ERC2: variants seen among roughly 807,000 people sequenced by gnomAD.
The protein encoded by ERC2 is ERC protein 2.
A neutral mutation model predicts 114.8 loss-of-function variants in ERC2; 42 were observed. The observed-to-expected ratio is 0.37, with a 90% CI of 0.29 to 0.47. The LOEUF (loss-of-function observed/expected upper bound fraction) is 0.47, where lower values mean the gene tolerates loss of function less well. Among genes scored for constraint, ERC2 ranks in the 20% least tolerant of loss-of-function variants. The pLI is 0.99. For missense variants in ERC2, 939 were observed against 1,150.7 expected, an observed-to-expected ratio of 0.82 and a Z score of 2.66; for synonymous variants, 454 against 425.5, an observed-to-expected ratio of 1.07 and a Z score of -0.82.
chr3:55,882,534 G>GA (rs1475251838), intron 14 of ERC2, among the ~76,000 whole-genome samples: 2 of 152,060 alleles, frequency 1.3e-5, no homozygotes, highest in South Asian at 2.1e-4. Context: ...AATATTTTTG[G>GA]AAAAAATGCA....
chr3:55,985,947 G>A (rs1469043517), intron 12 of ERC2, 30 bp downstream of exon 12: 1 of 1,535,398 alleles, frequency 6.5e-7, no homozygotes, highest in Non-Finnish European at 8.7e-7. Context: ...GGAGGGAAAG[G>A]CAGTTAGAAG....
chr3:55,712,521 A>C (rs1285441956), intron 15 of ERC2, among the ~76,000 whole-genome samples: 2 of 152,182 alleles, frequency 1.3e-5, no homozygotes, highest in Non-Finnish European at 2.9e-5. Context: ...TTTGAGTGTT[A>C]AGCATGCAAA....
intron 1 of ERC2, among the ~76,000 whole-genome samples, chr3:56,450,225 C>A (rs562129668): frequency 6.6e-6 from 1 of 152,174 alleles, no homozygotes; most frequent in African/African-American, 2.4e-5. Context: ...TTTAGTTCCC[C>A]CAAACTCATT....
At chr3:55,533,679 G>T (rs1312702457) in intron 17 of ERC2, among the ~76,000 whole-genome samples, 1 of 152,180 alleles carries the variant, frequency 6.6e-6, no homozygotes, top group Non-Finnish European at 1.5e-5. Context: ...GGAGAGATCA[G>T]GATGCCAGCA....
At chr3:55,718,313 T>C (rs765636940) in intron 15 of ERC2, among the ~76,000 whole-genome samples, 2 of 152,102 alleles carry the variant, frequency 1.3e-5, no homozygotes, top group African/African-American at 2.4e-5. Flanking sequence ...ATCATCCGAC[T>C]TGAGAAGATT....
At chr3:55,529,356 A>T (rs1029435620) in intron 17 of ERC2, among the ~76,000 whole-genome samples, 1 of 152,088 alleles carries the variant, frequency 6.6e-6, no homozygotes, top group Non-Finnish European at 1.5e-5. Context: ...TCACGTTTTG[A>T]CTCCTTAAAC....
intron 17 of ERC2, among the ~76,000 whole-genome samples, chr3:55,638,537 A>G (rs1366604207): frequency 6.6e-6 from 1 of 152,210 alleles, no homozygotes; most frequent in African/African-American, 2.4e-5. Context: ...ATTACCTTCA[A>G]TTAAAATGTT....
rs867980598 is a variant in ERC2 at position 56,434,612 on chromosome 3, G to A, written c.396C>T (p.His132=). ...GGLTGSSHHH[H]HQVPSMLRQV... Reference sequence around the variant, plus strand: ...GCCTCAACATGGAGGGGACCTGGTGGTGGTGATGATGGGATGAGCCAGTCA... The same window carrying A: ...GCCTCAACATGGAGGGGACCTGGTGATGGTGATGATGGGATGAGCCAGTCA... The change falls in exon 2 of 18, where the codon CAC becomes CAT. Residue 132 remains histidine, a synonymous_variant. Transcript: ENST00000288221. 6.2e-7 allele frequency: 1 copy of A among 1,613,966 alleles called. No homozygotes were observed. The highest frequency in any genetic ancestry group is 8.5e-7 in the Non-Finnish European group (1 of 1,179,890).
At chr3:56,065,067 T>C (rs191155941) in intron 7 of ERC2, among the ~76,000 whole-genome samples, 31 of 152,268 alleles carry the variant, frequency 2.0e-4, no homozygotes, top group African/African-American at 7.5e-4. Context: ...GAGAGAGACA[T>C]AAAGATACAA....
At chr3:56,105,541 C>G (rs1217523909) in intron 6 of ERC2, among the ~76,000 whole-genome samples, 1 of 152,090 alleles carries the variant, frequency 6.6e-6, no homozygotes, top group African/African-American at 2.4e-5. Context: ...GTCTTGAACT[C>G]CTGGCCTCAA....
intron 2 of ERC2, among the ~76,000 whole-genome samples, chr3:56,367,322 T>C (rs2059188183): frequency 6.6e-6 from 1 of 151,816 alleles, no homozygotes; most frequent in Admixed American, 6.6e-5. Context: ...TTCAAAATGG[T>C]TCACAAAAGA....
chr3:55,744,693 T>C (rs1328344288), intron 14 of ERC2, among the ~76,000 whole-genome samples: 2 of 152,260 alleles, frequency 1.3e-5, no homozygotes, highest in Non-Finnish European at 2.9e-5. Context: ...TAGCCACTGC[T>C]TGGGCCTGCT....
chr3:56,249,936 C>T (rs1560459779), intron 3 of ERC2, among the ~76,000 whole-genome samples: 1 of 145,606 alleles, frequency 6.9e-6, no homozygotes, highest in Non-Finnish European at 1.5e-5. Flanking sequence ...CGGCTCACCA[C>T]AACCTCCACC....
intron 14 of ERC2, among the ~76,000 whole-genome samples, chr3:55,811,824 A>G (rs568756583): frequency 7.9e-5 from 12 of 152,172 alleles, no homozygotes; most frequent in African/African-American, 2.6e-4. Flanking sequence ...TTCCTTCCTC[A>G]CAATTGCCTA....
At position 55,627,701 on chromosome 3, in the gene ERC2, T is replaced by C. The variant is rs114119651; in HGVS notation, c.*39+56093A>G. Among the ~76,000 whole-genome samples the C allele has an allele frequency of 3.7e-3, 567 of 152,136 alleles. 3 individuals carry two copies. Among genetic ancestry groups the C allele is most frequent in the African/African-American group, 0.013 (533 of 41,494 alleles). The stretch of plus-strand genomic sequence containing the variant: ...ACCTTTTAGTTTAACTCTTTCTTGA[T>C]AGAGACATCACAAAAGAAAGTGTCT... On this transcript the variant is annotated intron_variant, in intron 17 of 17. Coordinates refer to ENST00000288221, the MANE Select transcript of ERC2 (RefSeq NM_015576.3).
chr3:55,722,530 G>T (rs1203994509), intron 15 of ERC2, among the ~76,000 whole-genome samples: 4 of 152,086 alleles, frequency 2.6e-5, no homozygotes, highest in Admixed American at 1.3e-4. Flanking sequence ...TTTTCCCATA[G>T]TATTTATTAT....
chr3:56,014,832 A>G (rs1196493277), intron 8 of ERC2, among the ~76,000 whole-genome samples: 4 of 152,200 alleles, frequency 2.6e-5, no homozygotes, highest in African/African-American at 9.6e-5. Flanking sequence ...ATGAACACAT[A>G]AGCAGTAATA....
At chr3:55,727,603 G>C (rs1211046753) in intron 15 of ERC2, among the ~76,000 whole-genome samples, 1 of 152,136 alleles carries the variant, frequency 6.6e-6, no homozygotes, top group Non-Finnish European at 1.5e-5. Context: ...TGGAATTTCT[G>C]AACTCATTTC....
At chr3:55,580,286 A>AG (rs780634914) in intron 17 of ERC2, among the ~76,000 whole-genome samples, 12 of 146,002 alleles carry the variant, frequency 8.2e-5, no homozygotes, top group Non-Finnish European at 1.8e-4. Flanking sequence ...CAATTTGGGG[A>AG]GGGGGTAGTG....
Sources: allele counts gnomAD v4.1 joint callset (sites outside exome capture counted in the v4.1 genomes callset), GRCh38; gene constraint gnomAD v4.1.1; transcripts MANE v1.5; gene names NCBI Gene and HGNC (gene_info 2026-07-23, HGNC 2026-07-21).